RGS22: variants seen among roughly 807,000 people sequenced by gnomAD.
The protein encoded by RGS22 is regulator of G protein signaling 22.
A neutral mutation model predicts 172.9 loss-of-function variants in RGS22; 148 were observed. The ratio of observed to expected loss-of-function variants is 0.86; its 90% CI spans 0.75 to 0.98. The LOEUF (loss-of-function observed/expected upper bound fraction) is 0.98, where lower values mean the gene tolerates loss of function less well. Ranked by LOEUF, RGS22 falls within the 50% of genes least tolerant of loss-of-function variation. The probability of loss-of-function intolerance (pLI) is 0.00; values close to 1 mark genes in which losing one functional copy is unlikely to be tolerated. For synonymous variants in RGS22, 458 were observed against 480.2 expected, an observed-to-expected ratio of 0.95 and a Z score of 0.60; for missense variants, 1,347 against 1,440.8, an observed-to-expected ratio of 0.93 and a Z score of 1.05.
At chr8:100,064,094 C>A (rs1231621259) in intron 7 of RGS22, 51 bp from the exon 8 acceptor site, 5 of 1,312,900 alleles carry the variant, frequency 3.8e-6, no homozygotes, top group South Asian at 1.8e-5. Context: ...ACAAACCTTT[C>A]TTATTATTAA....
chr8:100,078,609 T>C (rs552621752), intron 4 of RGS22, among the ~76,000 whole-genome samples: 1 of 152,064 alleles, frequency 6.6e-6, no homozygotes, highest in South Asian at 2.1e-4. Flanking sequence ...ATCTCCACTA[T>C]TGTTTTTATT....
At chr8:99,978,249 T>C (rs767837485) in intron 22 of RGS22, among the ~76,000 whole-genome samples, 174 bp from the exon 23 acceptor site, 27 of 152,150 alleles carry the variant, frequency 1.8e-4, no homozygotes, top group Non-Finnish European at 3.4e-4. Context: ...TCATCAATGG[T>C]TTTTATTACC....
At chr8:100,080,427 G>T in intron 3 of RGS22, 72 bp from the exon 4 acceptor site, 1 of 1,079,172 alleles carries the variant, frequency 9.3e-7, no homozygotes, top group Non-Finnish European at 1.3e-6. Flanking sequence ...GAAGACTTGT[G>T]GTTTACATAC....
rs547869185 is a variant in RGS22 at position 100,064,106 on chromosome 8, T to C, written c.725-63A>G. On this transcript the variant is annotated intron_variant, in intron 7 of 27. Coordinates refer to ENST00000360863, the MANE Select transcript of RGS22 (RefSeq NM_015668.5). ...AATACAAACCTTTCTTATTATTAAA[T>C]AGATGCTATAGAGCCAGAATGGCAA... 1.8e-4 allele frequency: 217 copies of C among 1,210,566 alleles called. 2 individuals are homozygous for C. In the South Asian group the frequency reaches 2.8e-3, roughly 16 times the overall value. The allele number at this position is 1,210,566 out of a possible 1,614,324, so 75.0% of individuals were successfully genotyped here.
In RGS22 at chr8:100,075,688, T is replaced by C. The variant is rs1258126694; in HGVS notation, c.340-3458A>G. ...TTATGAATGATGCTGCTATGAACAT[T>C]TGTATATAAGTTTTTGTGTGAACAT... On this transcript the variant is annotated intron_variant, in intron 4 of 27. Transcript: ENST00000360863. Among the ~76,000 whole-genome samples, 4 of 152,332 alleles carry C rather than the reference T, an allele frequency of 2.6e-5. No individual in the cohort carries two copies. In the East Asian group the frequency reaches 7.7e-4, roughly 29 times the overall value.
chr8:99,962,486 T>C (rs1457197132), intron 26 of RGS22, 43 bp from the exon 27 acceptor site: 19 of 1,598,576 alleles, frequency 1.2e-5, no homozygotes, highest in Non-Finnish European at 1.5e-5. Flanking sequence ...TAGTCTTTCC[T>C]CCTTAGCAGA....
rs531881730 is a variant in RGS22 at position 100,105,998 on chromosome 8, C to T, written c.-77G>A. Reference sequence around the variant, plus strand: ...CGCGCGGGTCCAGCGCGGGTCAGGGCCTGAGCGACGCGGCGACGGCGCGCG... The same window carrying T: ...CGCGCGGGTCCAGCGCGGGTCAGGGTCTGAGCGACGCGGCGACGGCGCGCG... On this transcript the variant is annotated 5_prime_UTR_variant, in exon 1 of 28. Transcript: ENST00000360863. 90 of 1,219,682 alleles carry T rather than the reference C, an allele frequency of 7.4e-5. No individual in the cohort carries two copies. The African/African-American group carries it at 1.3e-3, about 18-fold the overall frequency. 75.6% of individuals were successfully genotyped at this position (1,219,682 alleles called of 1,614,324 possible). A position where few individuals can be genotyped will look rare whatever the true frequency, so the allele number is the denominator to read the frequency against.
intron 14 of RGS22, among the ~76,000 whole-genome samples, chr8:100,009,229 C>T (rs1471113541): frequency 6.6e-6 from 1 of 151,976 alleles, no homozygotes; most frequent in Non-Finnish European, 1.5e-5. Context: ...ATGAGCCTGG[C>T]CAATATGGTG....
chr8:99,970,741 C>T lies in RGS22; in HGVS notation c.3520-5311G>A, dbSNP rs138981066. Among the ~76,000 whole-genome samples the T allele has an allele frequency of 1.5e-3, 234 of 152,234 alleles. 2 individuals are homozygous for T. Among genetic ancestry groups the T allele is most frequent in the African/African-American group, 5.1e-3 (210 of 41,538 alleles). On this transcript the variant is annotated intron_variant, in intron 23 of 27. Coordinates refer to ENST00000360863, the MANE Select transcript of RGS22 (RefSeq NM_015668.5). ...CTGAAATTGAGGCAGTAATTAATCA[C>T]CTACTGACTAAAAAAAGCCTAGGAC...
At chr8:100,086,527 A>T (rs1219508123) in intron 3 of RGS22, among the ~76,000 whole-genome samples, 1 of 151,996 alleles carries the variant, frequency 6.6e-6, no homozygotes, top group Non-Finnish European at 1.5e-5. Context: ...CATGGACATA[A>T]ATGGCAACAA....
At position 100,094,530 on chromosome 8, in the gene RGS22, T is replaced by A. The variant is rs188077504; in HGVS notation, c.55-1021A>T. Among the ~76,000 whole-genome samples the A allele has an allele frequency of 4.6e-3, 707 of 152,316 alleles. 2 individuals carry two copies. Among genetic ancestry groups the A allele is most frequent in the Non-Finnish European group, 8.4e-3 (569 of 68,032 alleles). ...GAAGAGAGTTATAAACAATCACTTA[T>A]AGAATTTATATCAAGAAACTTACTA... On this transcript the variant is annotated intron_variant, in intron 2 of 27. Coordinates refer to ENST00000360863, the MANE Select transcript of RGS22 (RefSeq NM_015668.5).
chr8:100,103,012 T>G (rs1490384034), intron 2 of RGS22, among the ~76,000 whole-genome samples: 1 of 152,214 alleles, frequency 6.6e-6, no homozygotes, highest in Non-Finnish European at 1.5e-5. Flanking sequence ...TAGGGTTGTT[T>G]TGAGACTAAA....
At chr8:100,076,373 G>A (rs886798252) in intron 4 of RGS22, among the ~76,000 whole-genome samples, 2 of 151,850 alleles carry the variant, frequency 1.3e-5, no homozygotes, top group African/African-American at 4.8e-5. Context: ...ATTTTTTGAG[G>A]ATTTTTGTGG....
chr8:100,077,960 C>T (rs1028852983), intron 4 of RGS22, among the ~76,000 whole-genome samples: 1 of 152,158 alleles, frequency 6.6e-6, no homozygotes, highest in Non-Finnish European at 1.5e-5. Context: ...CCCCCTTTAT[C>T]ATTATGTAAT....
chr8:100,041,392 G>A (rs776615486), intron 12 of RGS22, among the ~76,000 whole-genome samples: 30 of 151,974 alleles, frequency 2.0e-4, no homozygotes, highest in Non-Finnish European at 3.4e-4. Context: ...TTGGGAGGCT[G>A]AGGCAGGGAA....
intron 4 of RGS22, among the ~76,000 whole-genome samples, chr8:100,073,437 A>C (rs1020516626): frequency 1.9e-4 from 28 of 149,368 alleles, no homozygotes; most frequent in Admixed American, 1.2e-3. Context: ...AACAAAAAAA[A>C]AAAACAAAAA....
chr8:99,992,760 G>A (rs1248084753), intron 20 of RGS22, among the ~76,000 whole-genome samples: 1 of 152,150 alleles, frequency 6.6e-6, no homozygotes, highest in African/African-American at 2.4e-5. Flanking sequence ...TCTGCAACAA[G>A]CAGACCTAAT....
chr8:100,079,890 A>G (rs1811619889), intron 4 of RGS22, among the ~76,000 whole-genome samples: 1 of 152,212 alleles, frequency 6.6e-6, no homozygotes, highest in South Asian at 2.1e-4. Context: ...ATATGACTCA[A>G]AACTAACCTA....
chr8:99,978,166 T>C, intron 22 of RGS22, 91 bp from the exon 23 acceptor site: 2 of 685,688 alleles, frequency 2.9e-6, no homozygotes, highest in Non-Finnish European at 4.5e-6. Context: ...TATTATATCT[T>C]TAATATATAC....
Sources: allele counts gnomAD v4.1 joint callset (sites outside exome capture counted in the v4.1 genomes callset), GRCh38; gene constraint gnomAD v4.1.1; transcripts MANE v1.5; gene names NCBI Gene and HGNC (gene_info 2026-07-23, HGNC 2026-07-21).